ARHGAP18: variants seen among roughly 807,000 people sequenced by gnomAD.
ARHGAP18 encodes rho GTPase-activating protein 18.
Under a neutral mutation model 86.2 loss-of-function variants are expected in ARHGAP18, and 67 were observed. That is an observed-to-expected ratio of 0.78 (90% CI 0.64 to 0.95). ARHGAP18 has a LOEUF of 0.95. Among genes scored for constraint, ARHGAP18 ranks in the 40% least tolerant of loss-of-function variants. The pLI is 0.00. For missense variants in ARHGAP18, 691 were observed against 780.4 expected (o/e 0.89, Z 1.37); for synonymous variants, 283 against 280.4 (o/e 1.01, Z -0.09).
chr6:129,591,295 C>T (rs1788507466), intron 12 of ARHGAP18, among the ~76,000 whole-genome samples: 1 of 152,156 alleles, frequency 6.6e-6, no homozygotes, highest in South Asian at 2.1e-4. Context: ...TTCTCTTTCA[C>T]ATGTTTTAAT....
chr6:129,661,641 G>A (rs997369943), intron 1 of ARHGAP18, among the ~76,000 whole-genome samples: 3 of 151,990 alleles, frequency 2.0e-5, no homozygotes, highest in Admixed American at 2.0e-4. Flanking sequence ...AGTCTCCTCC[G>A]CTGTATAATG....
At chr6:129,621,478 G>T (rs12530328) in intron 5 of ARHGAP18, among the ~76,000 whole-genome samples, 15,061 of 152,134 alleles carry the variant, frequency 0.099, 1,018 homozygotes, top group Middle Eastern at 0.17. Flanking sequence ...ATGGGGCACT[G>T]CACAGGGCTC....
chr6:129,676,997 G>C (rs1194405703), intron 1 of ARHGAP18, among the ~76,000 whole-genome samples: 1 of 117,740 alleles, frequency 8.5e-6, no homozygotes, highest in Non-Finnish European at 1.6e-5. Context: ...CTGAATTTTT[G>C]TATCACTAAG....
Position 129,638,469 on chromosome 6 carries a change from C to G in ARHGAP18, c.477G>C (p.Leu159Phe). Reference protein sequence around the residue: ...QKRVETVSQTLRKKNKQYQIP... With the variant: ...QKRVETVSQTFRKKNKQYQIP... ...TCTGGTACTGTTTGTTTTTTTTCCT[C>G]AAGGTCTGGGAGACCGTCTCTACTC... Residue 159 changes from leucine to phenylalanine, a missense_variant, in exon 3 of 15, where the codon TTG becomes TTC. Physicochemically the swap from Leu to Phe is conservative, Grantham distance 22. Coordinates refer to ENST00000368149, the MANE Select transcript of ARHGAP18 (RefSeq NM_033515.3). 2 of 1,613,892 alleles carry G rather than the reference C, an allele frequency of 1.2e-6. No individual in the cohort carries two copies. The highest frequency in any genetic ancestry group is 1.3e-5 in the African/African-American group (1 of 74,972).
chr6:129,625,186 T>TTTATATGTAATATATATGATATATG lies in ARHGAP18; in HGVS notation c.786+4166_786+4167insCATATATCATATATATTACATATAA, dbSNP rs1789349064. Among the ~76,000 whole-genome samples the TTTATATGTAATATATATGATATATG allele has an allele frequency of 2.7e-4, 12 of 44,640 alleles. 1 individual carries two copies. The highest frequency in any genetic ancestry group is 3.3e-4 in the African/African-American group (3 of 9,228). 29.3% of individuals were successfully genotyped at this position (44,640 alleles called of 152,430 possible). On this transcript the variant is annotated intron_variant, in intron 5 of 14. Coordinates refer to ENST00000368149, the MANE Select transcript of ARHGAP18 (RefSeq NM_033515.3). Reference sequence around the variant, plus strand: ...ATATTATATATGATATATTATATATTATATATGATATATATTTATATGTAA... The same window carrying TTTATATGTAATATATATGATATATG: ...ATATTATATATGATATATTATATATTTTATATGTAATATATATGATATATGATATATGATATATATTTATATGTAA...
At chr6:129,614,535 A>T (rs528252936) in intron 7 of ARHGAP18, among the ~76,000 whole-genome samples, 52 of 150,118 alleles carry the variant, frequency 3.5e-4, no homozygotes, top group African/African-American at 3.9e-4. Context: ...AAATAAATTT[A>T]AAAAAAAAAC....
At chr6:129,626,105 CAT>C (rs1322990932) in intron 5 of ARHGAP18, among the ~76,000 whole-genome samples, 2 of 124,876 alleles carry the variant, frequency 1.6e-5, no homozygotes, top group African/African-American at 6.2e-5. Flanking sequence ...CACACACACA[CAT>C]ATATAGAAGA....
Position 129,595,325 on chromosome 6 carries a change from G to A in ARHGAP18, c.1713+3891C>T, listed in dbSNP as rs139541745. Among the ~76,000 whole-genome samples, 445 of 152,072 alleles carry A rather than the reference G, an allele frequency of 2.9e-3. 1 individual carries two copies. The highest frequency in any genetic ancestry group is 9.7e-3 in the African/African-American group (401 of 41,454). On this transcript the variant is annotated intron_variant, in intron 12 of 14. Coordinates refer to ENST00000368149, the MANE Select transcript of ARHGAP18 (RefSeq NM_033515.3). ...CATTTGTACACTTTCATGGTATTTCGCTGTATAGATATGCCATAATGTATT... is the reference window on the plus strand; with the variant it reads ...CATTTGTACACTTTCATGGTATTTCACTGTATAGATATGCCATAATGTATT...
chr6:129,590,777 T>C (rs1019396604), intron 12 of ARHGAP18, among the ~76,000 whole-genome samples: 2 of 152,230 alleles, frequency 1.3e-5, no homozygotes, highest in African/African-American at 4.8e-5. Flanking sequence ...CTAGAGAACC[T>C]GTATTCTACG....
At chr6:129,679,969 G>A (rs551789064) in intron 1 of ARHGAP18, among the ~76,000 whole-genome samples, 7 of 152,204 alleles carry the variant, frequency 4.6e-5, no homozygotes, top group East Asian at 3.9e-4. Context: ...TTTCCTTGCC[G>A]TGGCCACATG....
chr6:129,621,628 T>G (rs1356078601), intron 5 of ARHGAP18, among the ~76,000 whole-genome samples: 1 of 152,230 alleles, frequency 6.6e-6, no homozygotes, highest in Non-Finnish European at 1.5e-5. Context: ...TACAAGGTTG[T>G]GGCGAAGATC....
At chr6:129,586,830 A>G (rs1788404105) in intron 12 of ARHGAP18, among the ~76,000 whole-genome samples, 1 of 152,158 alleles carries the variant, frequency 6.6e-6, no homozygotes. Flanking sequence ...CAGCACTCCA[A>G]GCTTTCCTAT....
rs1773377026 is a variant in ARHGAP18, at chr6:129,638,412, C to G, written c.534G>C (p.Gln178His). Reference protein sequence around the residue: ...IPDVRDIFAQQRESKETAPGG... With the variant: ...IPDVRDIFAQHRESKETAPGG... ...AACCTACTGTTTCTTTTGATTCTCT[C>G]TGTTGAGCAAATATGTCTCTGACGT... The change falls in exon 3 of 15, where the codon CAG becomes CAC. Residue 178 changes from glutamine to histidine, a missense_variant. Gln to His is a conservative substitution (Grantham distance 24). Transcript: ENST00000368149. 1 of 1,613,852 alleles carries G rather than the reference C, an allele frequency of 6.2e-7. No individual in the cohort carries two copies. Among genetic ancestry groups the G allele is most frequent in the South Asian group, 1.1e-5 (1 of 91,024 alleles).
chr6:129,692,149 C>G (rs1774540348), intron 1 of ARHGAP18, among the ~76,000 whole-genome samples: 1 of 152,214 alleles, frequency 6.6e-6, no homozygotes, highest in South Asian at 2.1e-4. Context: ...GAATGACAAC[C>G]TCTGGGCCTA....
chr6:129,586,136 C>T (rs1479298230), intron 12 of ARHGAP18, among the ~76,000 whole-genome samples: 1 of 152,180 alleles, frequency 6.6e-6, no homozygotes, highest in Non-Finnish European at 1.5e-5. Context: ...GAACTTCTCC[C>T]TTGGGTTTGA....
chr6:129,689,593 A>G (rs1293839918), intron 1 of ARHGAP18, among the ~76,000 whole-genome samples: 2 of 152,130 alleles, frequency 1.3e-5, no homozygotes, highest in Non-Finnish European at 1.5e-5. Flanking sequence ...TAACTACCCC[A>G]AGAAGGAGAA....
rs374107499 is a variant in ARHGAP18 at position 129,701,438 on chromosome 6, T to G, written c.113+8586A>C. ...TGCCTGGGGTTGTACTATGGCCTGT[T>G]CAAAAAGATTAACTGGAAAAATCTG... On this transcript the variant is annotated intron_variant, in intron 1 of 14. Transcript: ENST00000368149. Among the ~76,000 whole-genome samples the G allele has an allele frequency of 2.0e-5, 3 of 152,276 alleles. No homozygotes were observed. In the East Asian group the frequency reaches 5.8e-4, roughly 29 times the overall value.
Position 129,618,844 on chromosome 6 carries a change from T to C in ARHGAP18, c.795A>G (p.Arg265=). Residue 265 remains arginine, a synonymous_variant, in exon 6 of 15, where the codon AGA becomes AGG. Coordinates refer to ENST00000368149, the MANE Select transcript of ARHGAP18 (RefSeq NM_033515.3). The part of the protein sequence containing the change: ...KGDDATLPSF[R]LPKDKTGTTR... ...TGGTACCCGTTTTGTCTTTTGGCAA[T>C]CTGAAACTCTAAAATAAACATCATT... The C allele has an allele frequency of 6.2e-7, 1 of 1,611,738 alleles. No individual in the cohort carries two copies. The highest frequency in any genetic ancestry group is 8.5e-7 in the Non-Finnish European group (1 of 1,179,380).
chr6:129,686,579 T>C (rs145291386), intron 1 of ARHGAP18, among the ~76,000 whole-genome samples: 97 of 152,338 alleles, frequency 6.4e-4, no homozygotes, highest in Non-Finnish European at 1.1e-3. Context: ...GTTCAGTCTC[T>C]TCCCTAGGAT....
Sources: gnomAD v4.1 joint callset for allele counts (sites outside exome capture counted in the v4.1 genomes callset) on GRCh38, gnomAD v4.1.1 for gene constraint, MANE v1.5 for transcripts, NCBI Gene and HGNC (gene_info 2026-07-23, HGNC 2026-07-21) for gene names.